The following LDAH variants were observed in gnomAD, a reference collection of about 807,000 sequenced individuals.
The protein encoded by LDAH is lipid droplet associated hydrolase.
Under a neutral mutation model 29.6 loss-of-function variants are expected in LDAH, and 26 were observed. That is an observed-to-expected ratio of 0.88 (90% CI 0.64 to 1.22). LDAH has a LOEUF of 1.22. Ranked by LOEUF, LDAH falls within the 50% of genes most tolerant of loss-of-function variation. The probability of loss-of-function intolerance (pLI) is 0.00; values close to 1 mark genes in which losing one functional copy is unlikely to be tolerated. For synonymous variants in LDAH, 117 were observed against 133.0 expected (o/e 0.88, Z 0.83); for missense variants, 344 against 387.3 (o/e 0.89, Z 0.94).
At chr2:20,773,099 C>A (rs1669545559) in intron 4 of LDAH, among the ~76,000 whole-genome samples, 1 of 152,146 alleles carries the variant, frequency 6.6e-6, no homozygotes, top group Non-Finnish European at 1.5e-5. Context: ...AACCTAATGA[C>A]TGAGACAATG....
chr2:20,777,156 A>T (rs1381521371), intron 3 of LDAH, among the ~76,000 whole-genome samples: 3 of 152,238 alleles, frequency 2.0e-5, no homozygotes, highest in Non-Finnish European at 2.9e-5. Flanking sequence ...TTACATGGTT[A>T]GAGCAAAGAA....
Position 20,820,109 on chromosome 2 carries a change from A to G in LDAH, c.-3+2928T>C, listed in dbSNP as rs1408355521. Among the ~76,000 whole-genome samples the G allele has an allele frequency of 9.4e-4, 143 of 152,186 alleles. 2 individuals carry two copies. Among genetic ancestry groups the G allele is most frequent in the African/African-American group, 3.4e-3 (140 of 41,442 alleles). ...ACTACAAACCACTGCTCAATGAAAT[A>G]AAAGAGGACACAAACAAATGGAAGA... is the stretch of plus-strand genomic sequence containing the variant. On this transcript the variant is annotated intron_variant, in intron 1 of 6. Transcript: ENST00000237822.
chr2:20,791,003 C>A (rs1261749445), intron 2 of LDAH, among the ~76,000 whole-genome samples: 3 of 152,164 alleles, frequency 2.0e-5, no homozygotes, highest in African/African-American at 4.8e-5. Context: ...TATATAAAGT[C>A]TTCACAGCTA....
At chr2:20,701,938 T>C (rs190130403) in intron 5 of LDAH, among the ~76,000 whole-genome samples, 1 of 152,322 alleles carries the variant, frequency 6.6e-6, no homozygotes, top group African/African-American at 2.4e-5. Flanking sequence ...AGATGATGTG[T>C]GCAATTTTAC....
chr2:20,727,591 C>T (rs1666107163), intron 5 of LDAH, among the ~76,000 whole-genome samples: 1 of 152,048 alleles, frequency 6.6e-6, no homozygotes, highest in Non-Finnish European at 1.5e-5. Flanking sequence ...ATCAATTTGG[C>T]CTAACTAACG....
At chr2:20,712,048 C>A (rs914194473) in intron 5 of LDAH, among the ~76,000 whole-genome samples, 1 of 152,190 alleles carries the variant, frequency 6.6e-6, no homozygotes, top group African/African-American at 2.4e-5. Flanking sequence ...CCCAGCACAG[C>A]ATTTGAGCTC....
chr2:20,786,923 C>A lies in LDAH; in HGVS notation c.298+3332G>T, dbSNP rs371945470. Among the ~76,000 whole-genome samples, 208 of 152,216 alleles carry A rather than the reference C, an allele frequency of 1.4e-3. 3 individuals are homozygous for A. In the South Asian group the frequency reaches 0.038, roughly 27 times the overall value. On this transcript the variant is annotated intron_variant, in intron 3 of 6. Coordinates refer to ENST00000237822, the MANE Select transcript of LDAH (RefSeq NM_021925.4). ...TATTGAGAATATTCTGGACATACTGCAAAATGCTTACTTCTCTTCCACTCC... is the reference window on the plus strand; with the variant it reads ...TATTGAGAATATTCTGGACATACTGAAAAATGCTTACTTCTCTTCCACTCC...
chr2:20,813,011 T>G (rs940997967), intron 1 of LDAH, among the ~76,000 whole-genome samples: 1 of 152,214 alleles, frequency 6.6e-6, no homozygotes, highest in East Asian at 1.9e-4. Flanking sequence ...AGCTAGTAAG[T>G]TGTAAAGTGG....
chr2:20,785,146 A>G (rs1670458324), intron 3 of LDAH, among the ~76,000 whole-genome samples: 1 of 152,160 alleles, frequency 6.6e-6, no homozygotes, highest in African/African-American at 2.4e-5. Context: ...TCCTTCTCCG[A>G]TGCTCTTCTT....
intron 4 of LDAH, among the ~76,000 whole-genome samples, chr2:20,747,032 T>C (rs1303692767): frequency 6.6e-6 from 1 of 152,132 alleles, no homozygotes; most frequent in Non-Finnish European, 1.5e-5. Context: ...ATTATTATTG[T>C]TGTAATCATT....
chr2:20,808,654 T>A (rs1450357442), intron 1 of LDAH, among the ~76,000 whole-genome samples: 1 of 133,666 alleles, frequency 7.5e-6, no homozygotes, highest in Non-Finnish European at 1.5e-5. Flanking sequence ...AGAGACTCCG[T>A]CTCAAAAAAA....
chr2:20,791,074 A>C (rs944827447), intron 2 of LDAH, among the ~76,000 whole-genome samples: 2 of 152,188 alleles, frequency 1.3e-5, no homozygotes, highest in African/African-American at 4.8e-5. Flanking sequence ...TCATGTTGTT[A>C]GGCTTTCTGG....
At chr2:20,721,985 C>A (rs1012268504) in intron 5 of LDAH, among the ~76,000 whole-genome samples, 8 of 152,042 alleles carry the variant, frequency 5.3e-5, no homozygotes, top group African/African-American at 1.9e-4. Context: ...CTGTCATTTG[C>A]AGAAAAATGG....
chr2:20,713,340 G>A (rs1664909238), intron 5 of LDAH, among the ~76,000 whole-genome samples: 1 of 152,200 alleles, frequency 6.6e-6, no homozygotes, highest in African/African-American at 2.4e-5. Context: ...AGCAAATGCT[G>A]AGAGATTTTG....
At chr2:20,704,646 C>A (rs1664179541) in intron 5 of LDAH, among the ~76,000 whole-genome samples, 1 of 152,122 alleles carries the variant, frequency 6.6e-6, no homozygotes, top group Non-Finnish European at 1.5e-5. Context: ...AAAATAATAA[C>A]ACGTTATCTC....
chr2:20,797,139 T>G (rs1671354766), intron 2 of LDAH, among the ~76,000 whole-genome samples: 1 of 152,230 alleles, frequency 6.6e-6, no homozygotes, highest in Non-Finnish European at 1.5e-5. Flanking sequence ...TAATAGATGC[T>G]GAACGGACTG....
intron 1 of LDAH, among the ~76,000 whole-genome samples, chr2:20,817,152 G>A (rs893380542): frequency 6.6e-6 from 1 of 151,706 alleles, no homozygotes; most frequent in African/African-American, 2.4e-5. Flanking sequence ...TAGACAAGAA[G>A]CAAAATAAAC....
rs1230433517 is a variant in LDAH, at chr2:20,774,795, TG to T, written c.468+14del. ...ACAGTCCAGCACCCACAGTTACCTC[TG>T]GAGACCTACTTACCGGGAGCTCAGG... On this transcript the variant is annotated intron_variant, in intron 4 of 6. Coordinates refer to ENST00000237822, the MANE Select transcript of LDAH (RefSeq NM_021925.4). The T allele has an allele frequency of 3.7e-6, 6 of 1,612,168 alleles. No homozygotes were observed. Among genetic ancestry groups the T allele is most frequent in the Non-Finnish European group, 4.2e-6 (5 of 1,179,714 alleles).
At chr2:20,695,251 T>C (rs556858171) in intron 6 of LDAH, among the ~76,000 whole-genome samples, 1 of 152,324 alleles carries the variant, frequency 6.6e-6, no homozygotes, top group South Asian at 2.1e-4. Context: ...GCATTGGGCA[T>C]TCCGGGGTCT....
Sources: allele counts gnomAD v4.1 joint callset (sites outside exome capture counted in the v4.1 genomes callset), GRCh38; gene constraint gnomAD v4.1.1; transcripts MANE v1.5; gene names NCBI Gene and HGNC (gene_info 2026-07-23, HGNC 2026-07-21).